The following IARS1 variants were observed in gnomAD, a reference collection of about 807,000 sequenced individuals.
The protein encoded by IARS1 is isoleucyl-tRNA synthetase 1, also known as isoleucine--tRNA ligase, cytoplasmic.
IARS1 carries 124 observed loss-of-function variants against 168.2 expected under a neutral mutation model. The observed-to-expected ratio is 0.74, with a 90% CI of 0.64 to 0.86. The LOEUF is 0.86. Ranked by LOEUF, IARS1 falls within the 40% of genes least tolerant of loss-of-function variation. IARS1 has a pLI of 0.00. For missense variants in IARS1, 1,452 were observed against 1,515.8 expected (o/e 0.96, Z 0.70); for synonymous variants, 532 against 529.4 (o/e 1.00, Z -0.07).
chr9:92,240,139 G>A (rs1272390994), intron 30 of IARS1: 1 of 153,384 alleles, frequency 6.5e-6, no homozygotes, highest in Non-Finnish European at 1.5e-5. Flanking sequence ...GTCTTCTTAT[G>A]CTTGTTTTTA....
chr9:92,229,347 AAT>A (rs1826280767), intron 30 of IARS1, among the ~76,000 whole-genome samples: 3 of 132,500 alleles, frequency 2.3e-5, no homozygotes, highest in South Asian at 2.5e-4. Context: ...GTGTATATGC[AAT>A]ATATACACTA....
chr9:92,256,467 G>A (rs1433919267), intron 20 of IARS1: 2 of 341,394 alleles, frequency 5.9e-6, no homozygotes, highest in Non-Finnish European at 1.0e-5. Context: ...GGGGATTACA[G>A]GCGTGAGCCA....
chr9:92,286,303 G>T (rs1587898709), intron 5 of IARS1, among the ~76,000 whole-genome samples: 1 of 152,290 alleles, frequency 6.6e-6, no homozygotes, highest in Admixed American at 6.5e-5. Flanking sequence ...AGAGGCGGAG[G>T]TTGCAGTGGG....
At chr9:92,250,052 A>G in intron 24 of IARS1, 111 bp from the exon 25 acceptor site, 1 of 848,870 alleles carries the variant, frequency 1.2e-6, no homozygotes, top group South Asian at 1.5e-5. Flanking sequence ...AGGCTGGACT[A>G]GTACTAAGTC....
Position 92,278,290 on chromosome 9 carries a change from C to T in IARS1, c.746-4G>A, listed in dbSNP as rs552255549. ...AGTAATCGTCCTCTGGCAACATCTACGAGAAAAAGGAAAAACATGGACTTG... is the reference window on the plus strand; with the variant it reads ...AGTAATCGTCCTCTGGCAACATCTATGAGAAAAAGGAAAAACATGGACTTG... On this transcript the variant is annotated splice_polypyrimidine_tract_variant and splice_region_variant and intron_variant, in intron 7 of 33. Coordinates refer to ENST00000443024, the MANE Select transcript of IARS1 (RefSeq NM_002161.6). 60 of 1,599,412 alleles carry T rather than the reference C, an allele frequency of 3.8e-5. 1 individual carries two copies. The South Asian group carries it at 4.1e-4, about 11-fold the overall frequency.
chr9:92,236,823 C>T (rs1017411825), intron 30 of IARS1, among the ~76,000 whole-genome samples: 1 of 152,182 alleles, frequency 6.6e-6, no homozygotes, highest in Admixed American at 6.5e-5. Flanking sequence ...CACTGTCCAG[C>T]CTGGGCGACA....
At chr9:92,228,911 A>C in intron 31 of IARS1, 90 bp downstream of exon 31, 1 of 1,490,768 alleles carries the variant, frequency 6.7e-7, no homozygotes. Flanking sequence ...GAAAAATGCA[A>C]AAGTTGTATA....
chr9:92,288,322 G>A (rs772918779), intron 2 of IARS1, 40 bp from the exon 3 acceptor site: 2 of 1,596,488 alleles, frequency 1.3e-6, no homozygotes, highest in South Asian at 1.1e-5. Context: ...TTTAAAAACA[G>A]CCAAAATTTA....
chr9:92,270,261 A>G (rs1432216926), intron 12 of IARS1, among the ~76,000 whole-genome samples: 1 of 152,232 alleles, frequency 6.6e-6, no homozygotes, highest in Non-Finnish European at 1.5e-5. Flanking sequence ...ACTTCAACAC[A>G]GAAGAGGCAA....
chr9:92,232,989 T>C (rs1224159210), intron 30 of IARS1, among the ~76,000 whole-genome samples: 4 of 152,216 alleles, frequency 2.6e-5, no homozygotes, highest in Non-Finnish European at 5.9e-5. Flanking sequence ...AATCAAACTC[T>C]AAACTTAAGT....
chr9:92,238,009 G>A (rs1484903978), intron 30 of IARS1, among the ~76,000 whole-genome samples: 1 of 152,040 alleles, frequency 6.6e-6, no homozygotes, highest in Non-Finnish European at 1.5e-5. Flanking sequence ...GGGTTCAAGC[G>A]ATTCTCCTGT....
At chr9:92,212,070 T>G (rs568092237) in intron 33 of IARS1, among the ~76,000 whole-genome samples, 30 of 152,334 alleles carry the variant, frequency 2.0e-4, no homozygotes, top group Non-Finnish European at 3.7e-4. Flanking sequence ...GAGCTTCCTT[T>G]AAAAATAGCT....
chr9:92,250,057 T>G lies in IARS1; in HGVS notation c.2533-116A>C. On this transcript the variant is annotated intron_variant, in intron 24 of 33. Coordinates refer to ENST00000443024, the MANE Select transcript of IARS1 (RefSeq NM_002161.6). ...AGCTCTAGTCAGGCTGGACTAGTAC[T>G]AAGTCATTCACACCCTCACTGCAGA... 3 of 851,210 alleles carry G rather than the reference T, an allele frequency of 3.5e-6. No individual in the cohort carries two copies. In the South Asian group the frequency reaches 4.3e-5, roughly 12 times the overall value. 52.7% of individuals were successfully genotyped at this position (851,210 alleles called of 1,614,324 possible).
chr9:92,236,122 T>C (rs1211764151), intron 30 of IARS1, among the ~76,000 whole-genome samples: 1 of 152,066 alleles, frequency 6.6e-6, no homozygotes, highest in East Asian at 1.9e-4. Context: ...AGGCTGAGAT[T>C]ACAGGCGCCC....
intron 14 of IARS1, among the ~76,000 whole-genome samples, chr9:92,266,151 T>C (rs1286152940): frequency 6.6e-6 from 1 of 152,208 alleles, no homozygotes; most frequent in African/African-American, 2.4e-5. Context: ...TTCATAGCCA[T>C]ACTCTCAATG....
rs554414957 is a variant in IARS1, at chr9:92,224,850, A to T, written c.3410-1361T>A. On this transcript the variant is annotated intron_variant, in intron 31 of 33. Coordinates refer to ENST00000443024, the MANE Select transcript of IARS1 (RefSeq NM_002161.6). ...CCTGTCTCAAAAAATAAAAAATAAA[A>T]AATAAATAATAATAATCAGTGGACA... is the stretch of plus-strand genomic sequence containing the variant. Among the ~76,000 whole-genome samples the T allele has an allele frequency of 1.7e-4, 25 of 151,188 alleles. No homozygotes were observed. The South Asian group carries it at 1.7e-3, about 10-fold the overall frequency.
chr9:92,233,798 G>A (rs914337509), intron 30 of IARS1, among the ~76,000 whole-genome samples: 1 of 152,114 alleles, frequency 6.6e-6, no homozygotes, highest in Non-Finnish European at 1.5e-5. Flanking sequence ...GTCTCACTGT[G>A]TGGCCCAGGC....
intron 10 of IARS1, among the ~76,000 whole-genome samples, chr9:92,273,881 C>T (rs1403762735): frequency 1.3e-5 from 2 of 152,204 alleles, no homozygotes; most frequent in Non-Finnish European, 2.9e-5. Context: ...CAAAAGAAGT[C>T]CAGATAGGCC....
At position 92,274,482 on chromosome 9, in the gene IARS1, A is replaced by G; in HGVS notation, c.934T>C (p.Tyr312His). Residue 312 changes from tyrosine to histidine, a missense_variant, in exon 10 of 34, where the codon TAT (tyrosine) becomes CAT (histidine). Transcript: ENST00000443024. ...CCTGTGCCTTCTTCTTCCTTCACATAGTTGTCAACAAGCACAGTGAAAGCG... is the reference window on the plus strand; with the variant it reads ...CCTGTGCCTTCTTCTTCCTTCACATGGTTGTCAACAAGCACAGTGAAAGCG... ...NGAFTVLVDN[Y>H]VKEEEGTGVV... The G allele has an allele frequency of 6.2e-7, 1 of 1,613,944 alleles. No homozygotes were observed. Among genetic ancestry groups the G allele is most frequent in the South Asian group, 1.1e-5 (1 of 91,074 alleles).
Sources: gnomAD v4.1 joint callset for allele counts (sites outside exome capture counted in the v4.1 genomes callset) on GRCh38, gnomAD v4.1.1 for gene constraint, MANE v1.5 for transcripts, NCBI Gene and HGNC (gene_info 2026-07-23, HGNC 2026-07-21) for gene names.